Variants in SYBU observed in about 807,000 individuals in gnomAD.
SYBU encodes GOLSYN A protein.
A neutral mutation model predicts 35.9 loss-of-function variants in SYBU; 21 were observed. That is an observed-to-expected ratio of 0.58 (90% CI 0.41 to 0.84). SYBU has a LOEUF of 0.84. SYBU is among the 40% of genes least tolerant of loss of function. The pLI is 0.00. For missense variants in SYBU, 768 were observed against 848.2 expected, an observed-to-expected ratio of 0.91 and a Z score of 1.17; for synonymous variants, 319 against 324.3, an observed-to-expected ratio of 0.98 and a Z score of 0.18.
In SYBU at chr8:109,574,660, C is replaced by T; in HGVS notation, c.*246G>A. ...GGATAAGAACGGGTACCTCAGACGA[C>T]ACGGCAGGGTCATGAGCATGCTTTC... On this transcript the variant is annotated 3_prime_UTR_variant, in exon 7 of 7. Coordinates refer to ENST00000276646, the MANE Select transcript of SYBU (RefSeq NM_001099754.2). The T allele has an allele frequency of 2.6e-6, 1 of 386,294 alleles. No homozygotes were observed. Among genetic ancestry groups the T allele is most frequent in the Admixed American group, 4.2e-5 (1 of 24,056 alleles). 23.9% of individuals were successfully genotyped at this position (386,294 alleles called of 1,614,324 possible). A position where few individuals can be genotyped will look rare whatever the true frequency, so the allele number is the denominator to read the frequency against.
chr8:109,582,911 C>T (rs1348319720), intron 4 of SYBU, among the ~76,000 whole-genome samples: 1 of 152,076 alleles, frequency 6.6e-6, no homozygotes, highest in Non-Finnish European at 1.5e-5. Context: ...CCACTACAAG[C>T]CAAGGAGAGG....
At chr8:109,640,696 A>T (rs578065708) in intron 2 of SYBU, among the ~76,000 whole-genome samples, 1 of 152,030 alleles carries the variant, frequency 6.6e-6, no homozygotes, top group African/African-American at 2.4e-5. Flanking sequence ...TCCATCTTAA[A>T]CTAGATTCAT....
Position 109,575,399 on chromosome 8 carries a change from G to C in SYBU, c.1499C>G (p.Ser500Ter). 6.2e-7 allele frequency: 1 copy of C among 1,614,126 alleles called. No individual in the cohort carries two copies. ...CTGCAGCACACTCTGAATGAGCTCT[G>C]AGATGGCTGGGCTGTAGGGCACCAC... ...TDVVPYSPAISELIQSVLQKL... is the reference protein window; with the variant it reads ...TDVVPYSPAI Residue 500 changes from serine to a stop codon, truncating the protein, a stop_gained, in exon 7 of 7, where the codon TCA becomes TGA. Transcript: ENST00000276646. LOFTEE classifies it low-confidence loss of function (END_TRUNC).
chr8:109,668,108 AGAATAAGG>A (rs755787935), intron 1 of SYBU, among the ~76,000 whole-genome samples: 68 of 140,646 alleles, frequency 4.8e-4, no homozygotes, highest in Admixed American at 1.4e-3. Context: ...ATTCAAGTTT[AGAATAAGG>A]GAATAAGGGA....
In SYBU at chr8:109,575,670, T is replaced by A. The variant is rs778958654; in HGVS notation, c.1228A>T (p.Met410Leu). Residue 410 changes from methionine (M) to leucine (L), a missense_variant, in exon 7 of 7, where the codon ATG becomes TTG. Met to Leu is a conservative substitution (Grantham distance 15). Transcript: ENST00000276646. ...TCTTCCAGAGATAACCCATCTGCCA[T>A]TGTGTCAAGAGGGGGGTTGAGGGTT... ...SLTLNPPLDTMADGLSLEEQV... is the reference protein window; with the variant it reads ...SLTLNPPLDTLADGLSLEEQV... The A allele has an allele frequency of 6.2e-7, 1 of 1,614,072 alleles. No individual in the cohort carries two copies.
intron 3 of SYBU, among the ~76,000 whole-genome samples, chr8:109,588,035 C>T (rs1369669265): frequency 1.3e-5 from 2 of 152,170 alleles, no homozygotes; most frequent in Non-Finnish European, 2.9e-5. Flanking sequence ...CCTAACTCAA[C>T]CAGCTTTGTT....
chr8:109,578,967 T>C (rs1441965147), intron 5 of SYBU, among the ~76,000 whole-genome samples: 1 of 152,148 alleles, frequency 6.6e-6, no homozygotes, highest in Non-Finnish European at 1.5e-5. Context: ...AGGCTCAATG[T>C]TTTACAAAAC....
chr8:109,577,627 A>AACG (rs1822486395), intron 6 of SYBU, among the ~76,000 whole-genome samples: 2 of 151,946 alleles, frequency 1.3e-5, no homozygotes, highest in African/African-American at 4.8e-5. Flanking sequence ...AACAACAAAA[A>AACG]ACGACAACAA....
Position 109,644,677 on chromosome 8 carries a change from G to A in SYBU, c.-18C>T, listed in dbSNP as rs1312688182. On this transcript the variant is annotated 5_prime_UTR_variant, in exon 1 of 7. Coordinates refer to ENST00000276646, the MANE Select transcript of SYBU (RefSeq NM_001099754.2). ...GGCCCCATCGCGCCGCTGCCCGCCG[G>A]CTCCTCGCGCCGCCGCTGCCGCCGT... 1 of 1,511,408 alleles carries A rather than the reference G, an allele frequency of 6.6e-7. No homozygotes were observed. The highest frequency in any genetic ancestry group is 8.8e-7 in the Non-Finnish European group (1 of 1,137,354). The allele number at this position is 1,511,408 out of a possible 1,614,324, so 93.6% of individuals were successfully genotyped here.
At chr8:109,679,182 G>T (rs1817313140) in intron 1 of SYBU, among the ~76,000 whole-genome samples, 1 of 152,144 alleles carries the variant, frequency 6.6e-6, no homozygotes, top group Non-Finnish European at 1.5e-5. Context: ...AAATGCCATG[G>T]CAATATAAGG....
chr8:109,681,857 T>C (rs1302410307), upstream of SYBU, among the ~76,000 whole-genome samples: 2 of 152,170 alleles, frequency 1.3e-5, no homozygotes, highest in Non-Finnish European at 2.9e-5. Context: ...AATTGAATCA[T>C]GGTGTCTGTT....
intron 2 of SYBU, among the ~76,000 whole-genome samples, chr8:109,632,992 T>G (rs1813811054): frequency 6.6e-6 from 1 of 152,206 alleles, no homozygotes; most frequent in African/African-American, 2.4e-5. Context: ...CAATAAATAT[T>G]TGCTTCATGA....
chr8:109,647,130 T>C (rs1247734139), upstream of SYBU: 1 of 152,238 alleles, frequency 6.6e-6, no homozygotes, highest in Admixed American at 6.5e-5. Context: ...CTCCTTAATG[T>C]GGCACACAAG....
Position 109,579,969 on chromosome 8 carries a change from C to T in SYBU, c.564G>A (p.Ser188=), listed in dbSNP as rs762385484. The T allele has an allele frequency of 6.3e-5, 102 of 1,613,048 alleles. No homozygotes were observed. Among genetic ancestry groups the T allele is most frequent in the East Asian group, 2.2e-4 (10 of 44,864 alleles). ...ATGGGCTGCTGCCAGGCTTGTGTGA[C>T]GAAGCTCCATTACTCCGCCCATGAG... is the stretch of plus-strand genomic sequence containing the variant. The part of the protein sequence containing the change: ...RGPHGRSNGA[S]SHKPGSSPSS... The change falls in exon 5 of 7, where the codon TCG becomes TCA. Residue 188 remains serine, a synonymous_variant. Transcript: ENST00000276646.
rs564012552 is a variant in SYBU at position 109,582,968 on chromosome 8, C to A, written c.531-2966G>T. ...TGCAGACATCTTGGTATCAGACTTC[C>A]CTTTTCCAGAACTGTGAGTAAATAC... On this transcript the variant is annotated intron_variant, in intron 4 of 6. Coordinates refer to ENST00000276646, the MANE Select transcript of SYBU (RefSeq NM_001099754.2). Among the ~76,000 whole-genome samples, 3 of 152,222 alleles carry A rather than the reference C, an allele frequency of 2.0e-5. No individual in the cohort carries two copies. In the East Asian group the frequency reaches 5.8e-4, roughly 29 times the overall value.
At chr8:109,627,439 A>C (rs1377866631) in intron 2 of SYBU, among the ~76,000 whole-genome samples, 1 of 152,198 alleles carries the variant, frequency 6.6e-6, no homozygotes, top group African/African-American at 2.4e-5. Flanking sequence ...CTTTCGGTGC[A>C]TTTATAAGGC....
intron 1 of SYBU, among the ~76,000 whole-genome samples, chr8:109,654,868 T>C (rs1235672052): frequency 2.0e-5 from 3 of 152,244 alleles, no homozygotes; most frequent in African/African-American, 7.2e-5. Context: ...AAGTCCTATC[T>C]GTTCTACTTC....
chr8:109,619,055 C>A lies in SYBU; in HGVS notation c.230-16G>T. On this transcript the variant is annotated splice_polypyrimidine_tract_variant and intron_variant, in intron 2 of 6. Coordinates refer to ENST00000276646, the MANE Select transcript of SYBU (RefSeq NM_001099754.2). The stretch of plus-strand genomic sequence containing the variant: ...CCTGTGTCATCTAGAAGACAGGAAT[C>A]AATAAGTGTTTAATGATGAGGAGGA... 2 of 1,604,480 alleles carry A rather than the reference C, an allele frequency of 1.2e-6. No homozygotes were observed. Among genetic ancestry groups the A allele is most frequent in the South Asian group, 2.2e-5 (2 of 90,736 alleles).
chr8:109,644,512 C>T, intron 1 of SYBU, 124 bp downstream of exon 1: 5 of 1,157,272 alleles, frequency 4.3e-6, no homozygotes, highest in South Asian at 1.4e-5. Flanking sequence ...GACCCCACCA[C>T]CACCTCCTTC....
Sources: allele counts gnomAD v4.1 joint callset (sites outside exome capture counted in the v4.1 genomes callset), GRCh38; gene constraint gnomAD v4.1.1; transcripts MANE v1.5; gene names NCBI Gene and HGNC (gene_info 2026-07-23, HGNC 2026-07-21).